The following MYO7A variants were observed in gnomAD, a reference collection of about 807,000 sequenced individuals.
MYO7A encodes myosin VIIA.
A neutral mutation model predicts 263.8 loss-of-function variants in MYO7A; 210 were observed. The observed-to-expected ratio is 0.80, with a 90% CI of 0.71 to 0.89. The LOEUF (loss-of-function observed/expected upper bound fraction) is 0.89. Ranked by LOEUF, MYO7A falls within the 40% of genes least tolerant of loss-of-function variation. The probability of loss-of-function intolerance (pLI) is 0.00; values close to 1 mark genes in which losing one functional copy is unlikely to be tolerated. For missense variants in MYO7A, 2,820 were observed against 2,968.3 expected, an observed-to-expected ratio of 0.95 and a Z score of 1.16; for synonymous variants, 1,239 against 1,197.3, an observed-to-expected ratio of 1.03 and a Z score of -0.72.
At chr11:77,170,303 G>A (rs1555075187) in intron 15 of MYO7A, among the ~76,000 whole-genome samples, 1 of 152,170 alleles carries the variant, frequency 6.6e-6, no homozygotes, top group Admixed American at 6.5e-5. Flanking sequence ...CAGGGAGAGG[G>A]GACAGCAAGC....
chr11:77,155,826 G>A, intron 4 of MYO7A, 81 bp from the exon 5 acceptor site: 2 of 1,419,362 alleles, frequency 1.4e-6, no homozygotes, highest in Non-Finnish European at 1.9e-6. Flanking sequence ...GGGTGCTGGA[G>A]CAGGGCAGAG....
Position 77,199,557 on chromosome 11 carries a change from C to G in MYO7A, c.4591C>G (p.Leu1531Val). The change falls in exon 35 of 49, where the codon CTG becomes GTG. Residue 1531 changes from leucine to valine, a missense_variant. By Grantham distance (32) the Leu-to-Val change is conservative. Coordinates refer to ENST00000409709, the MANE Select transcript of MYO7A (RefSeq NM_000260.4). ...SSRECRVWLSLGCSDLGCAAP... is the reference protein window; with the variant it reads ...SSRECRVWLSVGCSDLGCAAP... ...CAGGGAGTGCCGTGTCTGGCTCTCA[C>G]TGGGCTGCTCTGATCTTGGCTGTGC... The G allele has an allele frequency of 6.6e-7, 1 of 1,518,734 alleles. No homozygotes were observed. The highest frequency in any genetic ancestry group is 8.9e-7 in the Non-Finnish European group (1 of 1,126,690). 94.1% of individuals were successfully genotyped at this position (1,518,734 alleles called of 1,614,324 possible). A position where few individuals can be genotyped will look rare whatever the true frequency, so the allele number is the denominator to read the frequency against.
intron 2 of MYO7A, among the ~76,000 whole-genome samples, chr11:77,140,741 T>C (rs192231272): frequency 2.1e-4 from 32 of 152,342 alleles, no homozygotes; most frequent in Admixed American, 5.9e-4. Context: ...TGGGGCAGTT[T>C]ACGGGATGCA....
Position 77,163,008 on chromosome 11 carries a change from G to T in MYO7A, c.1690+20G>T, listed in dbSNP as rs1458106660. On this transcript the variant is annotated intron_variant, in intron 14 of 48. Coordinates refer to ENST00000409709, the MANE Select transcript of MYO7A (RefSeq NM_000260.4). ...CCCAAGGTACAGAGGGCTGCCGGCT[G>T]TCTGTCACTCCCTGCCCGTGGCCCT... The T allele has an allele frequency of 6.2e-7, 1 of 1,612,484 alleles. No individual in the cohort carries two copies. Among genetic ancestry groups the T allele is most frequent in the Admixed American group, 1.7e-5 (1 of 59,958 alleles).
At chr11:77,182,627 T>G in intron 25 of MYO7A, 27 bp downstream of exon 25, 1 of 1,611,640 alleles carries the variant, frequency 6.2e-7, no homozygotes, top group Non-Finnish European at 8.5e-7. Context: ...CTCTGGATGA[T>G]GTCCCTCCCA....
At chr11:77,139,183 G>T (rs1351839360) in intron 2 of MYO7A, among the ~76,000 whole-genome samples, 1 of 152,242 alleles carries the variant, frequency 6.6e-6, no homozygotes, top group African/African-American at 2.4e-5. Context: ...CACCCAGAGA[G>T]ACACAGCGTT....
At chr11:77,137,870 CA>C (rs1374056159) in intron 2 of MYO7A, among the ~76,000 whole-genome samples, 3 of 152,170 alleles carry the variant, frequency 2.0e-5, no homozygotes, top group East Asian at 3.9e-4. Flanking sequence ...CCTCACTCCC[CA>C]GAGGCAGCCA....
At chr11:77,169,495 C>G (rs1032277134) in intron 15 of MYO7A, among the ~76,000 whole-genome samples, 2 of 152,244 alleles carry the variant, frequency 1.3e-5, no homozygotes, top group African/African-American at 4.8e-5. Flanking sequence ...GTCTTCCTCT[C>G]AGATCCTTTC....
rs529251704 is a variant in MYO7A, at chr11:77,179,888, C to G, written c.2521C>G (p.Leu841Val). ...CTTCCGCCACCGCCTCTGGGCTGTG[C>G]TCACCGTGCAGGCCTATGCCCGGGG... ...KAFRHRLWAV[L>V]TVQAYARGMI... Residue 841 changes from leucine (L) to valine (V), a missense_variant, in exon 21 of 49, where the codon CTC becomes GTC. Transcript: ENST00000409709. 2 of 1,540,490 alleles carry G rather than the reference C, an allele frequency of 1.3e-6. No individual in the cohort carries two copies. The highest frequency in any genetic ancestry group is 1.2e-5 in the South Asian group (1 of 83,960).
Position 77,155,997 on chromosome 11 carries a change from A to C in MYO7A, c.376A>C (p.Lys126Gln). Reference protein sequence around the residue: ...PEHIRQYTNKKIGEMPPHIFA... With the variant: ...PEHIRQYTNKQIGEMPPHIFA... Reference sequence around the variant, plus strand: ...GCACATCCGCCAGTATACCAACAAGAAGATTGGGGAGATGCCCCCCCACAT... The same window carrying C: ...GCACATCCGCCAGTATACCAACAAGCAGATTGGGGAGATGCCCCCCCACAT... The change falls in exon 5 of 49, where the codon AAG becomes CAG. Residue 126 changes from lysine to glutamine, a missense_variant. By Grantham distance (53) the Lys-to-Gln change is moderately conservative (BLOSUM62 1). Coordinates refer to ENST00000409709, the MANE Select transcript of MYO7A (RefSeq NM_000260.4). 2 of 1,613,850 alleles carry C rather than the reference A, an allele frequency of 1.2e-6. No individual in the cohort carries two copies. Among genetic ancestry groups the C allele is most frequent in the Non-Finnish European group, 1.7e-6 (2 of 1,179,854 alleles).
Position 77,194,662 on chromosome 11 carries a change from A to G in MYO7A, c.4323+138A>G, listed in dbSNP as rs1472311016. 25 of 898,878 alleles carry G rather than the reference A, an allele frequency of 2.8e-5. No homozygotes were observed. The Admixed American group carries it at 7.3e-4, about 26-fold the overall frequency. The allele number at this position is 898,878 out of a possible 1,614,324, so 55.7% of individuals were successfully genotyped here. Reference sequence around the variant, plus strand: ...TCCAGTGGCCCTTCCTTCATTGGACATCAGCTCACTCATTCTCCTTCCATC... The same window carrying G: ...TCCAGTGGCCCTTCCTTCATTGGACGTCAGCTCACTCATTCTCCTTCCATC... On this transcript the variant is annotated intron_variant, in intron 32 of 48. Coordinates refer to ENST00000409709, the MANE Select transcript of MYO7A (RefSeq NM_000260.4).
chr11:77,147,858 C>G lies in MYO7A; in HGVS notation c.193C>G (p.His65Asp), dbSNP rs1951688427. ...CAAGCCTATGCACCCCACGTCGGTC[C>G]ACGGCGTGGAGGACATGATCCGCCT... is the stretch of plus-strand genomic sequence containing the variant. ...HIKPMHPTSV[H>D]GVEDMIRLGD... The change falls in exon 4 of 49, where the codon CAC becomes GAC. Residue 65 changes from histidine (H) to aspartate (D), a missense_variant. Physicochemically the swap from His to Asp is moderately conservative, Grantham distance 81 (BLOSUM62 -1). Transcript: ENST00000409709. The G allele has an allele frequency of 6.2e-7, 1 of 1,608,362 alleles. No homozygotes were observed. The highest frequency in any genetic ancestry group is 8.5e-7 in the Non-Finnish European group (1 of 1,178,116).
chr11:77,199,133 G>A (rs1181089663), intron 34 of MYO7A, among the ~76,000 whole-genome samples: 1 of 152,138 alleles, frequency 6.6e-6, no homozygotes, highest in African/African-American at 2.4e-5. Flanking sequence ...AGTGTCTTTG[G>A]GTTGTGTCTG....
rs548380596 is a variant in MYO7A, at chr11:77,180,607, AC to A, written c.2694+129del. 5.6e-3 allele frequency: 4,423 copies of A among 784,238 alleles called. 28 individuals carry two copies. Among genetic ancestry groups the A allele is most frequent in the Non-Finnish European group, 7.1e-3 (3,501 of 489,936 alleles). The allele number at this position is 784,238 out of a possible 1,614,324, so 48.6% of individuals were successfully genotyped here. A position where few individuals can be genotyped will look rare whatever the true frequency, so the allele number is the denominator to read the frequency against. On this transcript the variant is annotated intron_variant, in intron 22 of 48. Transcript: ENST00000409709. ...CCATCCTTCAGAATGGCCACACTAG[AC>A]CCACTCAGCCAGCATTGCCTGAGCT...
intron 14 of MYO7A, among the ~76,000 whole-genome samples, chr11:77,165,003 C>G (rs1197438398): frequency 1.3e-5 from 2 of 152,228 alleles, no homozygotes; most frequent in African/African-American, 2.4e-5. Flanking sequence ...ATTAGGTGTT[C>G]TGAAGAGAAG....
chr11:77,210,341 A>C (rs982953896), intron 44 of MYO7A, among the ~76,000 whole-genome samples: 1 of 152,134 alleles, frequency 6.6e-6, no homozygotes, highest in Admixed American at 6.5e-5. Context: ...TGGGAGGATG[A>C]ATGCTGAGTG....
intron 37 of MYO7A, among the ~76,000 whole-genome samples, chr11:77,202,748 T>TG (rs958007308): frequency 4.1e-4 from 42 of 101,832 alleles, no homozygotes; most frequent in African/African-American, 1.4e-3. Context: ...GGGCGGGGGG[T>TG]GGGGGGCAGT....
rs1555065686 is a variant in MYO7A, at chr11:77,158,324, C to T, written c.897C>T (p.Ala299=). 1.9e-6 allele frequency: 3 copies of T among 1,612,890 alleles called. No individual in the cohort carries two copies. The highest frequency in any genetic ancestry group is 2.5e-6 in the Non-Finnish European group (3 of 1,179,372). Residue 299 remains alanine, a synonymous_variant, in exon 9 of 49, where the codon GCC becomes GCT. Transcript: ENST00000409709. ...CEGRVDSQEY[A]NIRSAMKVLM... ...GCCGGGTGGACAGCCAGGAGTACGC[C>T]AACATCCGCTCCGCCATGAAGGTGC...
chr11:77,156,023 C>T lies in MYO7A; in HGVS notation c.402C>T (p.Ile134=). The change falls in exon 5 of 49, where the codon ATC becomes ATT. Residue 134 remains isoleucine, a synonymous_variant. Transcript: ENST00000409709. The part of the protein sequence containing the change: ...NKKIGEMPPH[I]FAIADNCYFN... ...AGATTGGGGAGATGCCCCCCCACAT[C>T]TTTGCCATTGCTGACAACTGCTACT... 2 of 1,614,002 alleles carry T rather than the reference C, an allele frequency of 1.2e-6. No homozygotes were observed. The highest frequency in any genetic ancestry group is 2.2e-5 in the East Asian group (1 of 44,884).
Sources: gnomAD v4.1 joint callset for allele counts (sites outside exome capture counted in the v4.1 genomes callset) on GRCh38, gnomAD v4.1.1 for gene constraint, MANE v1.5 for transcripts, NCBI Gene and HGNC (gene_info 2026-07-23, HGNC 2026-07-21) for gene names.